Variants in PARD3B observed in about 807,000 individuals in gnomAD.
The protein encoded by PARD3B is par-3 family cell polarity regulator beta, also known as partitioning defective 3 homolog B.
PARD3B carries 103 observed loss-of-function variants against 130.2 expected under a neutral mutation model. The observed-to-expected ratio is 0.79, with a 90% CI of 0.67 to 0.93. The LOEUF is 0.93. Among genes scored for constraint, PARD3B ranks in the 40% least tolerant of loss-of-function variants. PARD3B has a pLI of 0.00. For missense variants in PARD3B, 1,609 were observed against 1,499.2 expected (o/e 1.07, Z -1.21); for synonymous variants, 583 against 553.2 (o/e 1.05, Z -0.76).
intron 22 of PARD3B, among the ~76,000 whole-genome samples, chr2:205,565,966 G>A (rs1479472328): frequency 6.6e-6 from 1 of 150,864 alleles, no homozygotes; most frequent in East Asian, 1.9e-4. Context: ...ATGTGAAATT[G>A]CACCAAATCA....
intron 2 of PARD3B, among the ~76,000 whole-genome samples, chr2:204,817,081 TTTATATA>T (rs1284870343): frequency 6.6e-6 from 1 of 152,154 alleles, no homozygotes; most frequent in Non-Finnish European, 1.5e-5. Flanking sequence ...TTGGGCTCTT[TTTATATA>T]TTACATATCT....
chr2:205,064,477 G>T (rs75128251), intron 4 of PARD3B, among the ~76,000 whole-genome samples: 1 of 152,270 alleles, frequency 6.6e-6, no homozygotes, highest in African/African-American at 2.4e-5. Context: ...GGGAAAAAAA[G>T]TCTGATTGGC....
intron 1 of PARD3B, among the ~76,000 whole-genome samples, chr2:204,604,223 T>C (rs2033622359): frequency 6.6e-6 from 1 of 152,156 alleles, no homozygotes; most frequent in African/African-American, 2.4e-5. Flanking sequence ...CTGAGTGCTT[T>C]TCCTCACCAC....
intron 18 of PARD3B, among the ~76,000 whole-genome samples, chr2:205,400,601 C>G (rs138768713): frequency 6.6e-6 from 1 of 151,756 alleles, no homozygotes; most frequent in Non-Finnish European, 1.5e-5. Flanking sequence ...AAGATCACAC[C>G]ACTGCACCTC....
chr2:205,334,603 T>C (rs1282656732), intron 18 of PARD3B, among the ~76,000 whole-genome samples: 1 of 152,254 alleles, frequency 6.6e-6, no homozygotes, highest in African/African-American at 2.4e-5. Flanking sequence ...GACAGTTTCT[T>C]AGTTAGAATA....
chr2:205,462,273 A>T (rs938730537), intron 20 of PARD3B, among the ~76,000 whole-genome samples: 3 of 152,222 alleles, frequency 2.0e-5, no homozygotes, highest in Non-Finnish European at 2.9e-5. Context: ...CAAATTGCTA[A>T]CAGGATTACA....
chr2:204,702,254 GT>G (rs137933986), intron 2 of PARD3B, among the ~76,000 whole-genome samples: 1,576 of 152,178 alleles, frequency 0.01, 27 homozygotes, highest in African/African-American at 0.035. Flanking sequence ...TTTTGGCTAT[GT>G]ACCCAATAGT....
intron 18 of PARD3B, among the ~76,000 whole-genome samples, chr2:205,336,750 C>A (rs1207014618): frequency 2.0e-5 from 3 of 152,094 alleles, no homozygotes; most frequent in African/African-American, 7.2e-5. Flanking sequence ...TGCACAGTAA[C>A]CATTAAGAAG....
chr2:205,327,241 C>G (rs1371586005), intron 18 of PARD3B, among the ~76,000 whole-genome samples: 1 of 152,136 alleles, frequency 6.6e-6, no homozygotes, highest in Non-Finnish European at 1.5e-5. Flanking sequence ...ATATGTCTAC[C>G]TGTATGCTCC....
chr2:205,021,545 G>A lies in PARD3B; in HGVS notation c.395-26036G>A, dbSNP rs1696595187. ...TATATTGCAGTTTCACAAGCAGGAG[G>A]TAATAGCATTTATTGAGCAACTATA... is the stretch of plus-strand genomic sequence containing the variant. On this transcript the variant is annotated intron_variant, in intron 3 of 22. Transcript: ENST00000406610. This position sits in a 1 kb window ranked among gnomAD's most constrained non-coding sequence, Gnocchi z 4.5. 1.3e-5 allele frequency among the ~76,000 whole-genome samples: 2 copies of A among 151,210 alleles called. No homozygotes were observed. The highest frequency in any genetic ancestry group is 2.9e-5 in the Non-Finnish European group (2 of 67,828).
intron 2 of PARD3B, among the ~76,000 whole-genome samples, chr2:204,718,113 A>G (rs2038820834): frequency 6.6e-6 from 1 of 152,054 alleles, no homozygotes; most frequent in African/African-American, 2.4e-5. Flanking sequence ...GGAAGGGAAA[A>G]ATTGTCAGGA....
intron 18 of PARD3B, among the ~76,000 whole-genome samples, chr2:205,338,165 A>C (rs2043386754): frequency 3.3e-5 from 5 of 151,154 alleles, no homozygotes; most frequent in South Asian, 2.1e-4. Flanking sequence ...AAAAAAAAAA[A>C]AAAAAAAAAA....
chr2:205,373,483 A>G (rs185055433), intron 18 of PARD3B, among the ~76,000 whole-genome samples: 15 of 152,256 alleles, frequency 9.9e-5, no homozygotes, highest in Non-Finnish European at 1.9e-4. Context: ...AAGCAAAGGC[A>G]GAACTATTAG....
At chr2:204,944,613 T>G (rs1689163481) in intron 2 of PARD3B, among the ~76,000 whole-genome samples, 1 of 152,266 alleles carries the variant, frequency 6.6e-6, no homozygotes, top group South Asian at 2.1e-4. Context: ...TTTTATAATT[T>G]TATATTTTAA....
At chr2:204,619,632 C>G (rs1253392580) in intron 1 of PARD3B, among the ~76,000 whole-genome samples, 1 of 152,030 alleles carries the variant, frequency 6.6e-6, no homozygotes, top group Non-Finnish European at 1.5e-5. Flanking sequence ...ACTGCAAGCT[C>G]CCATCAGAAT....
At chr2:205,189,146 T>TTC (rs891350255) in intron 14 of PARD3B, among the ~76,000 whole-genome samples, 1 of 151,210 alleles carries the variant, frequency 6.6e-6, no homozygotes, top group Admixed American at 6.6e-5. Context: ...CATATTCTCT[T>TTC]TCTCTCTCTC....
At chr2:204,783,959 C>T (rs1012305498) in intron 2 of PARD3B, among the ~76,000 whole-genome samples, 6 of 151,680 alleles carry the variant, frequency 4.0e-5, no homozygotes, top group East Asian at 1.9e-4. Context: ...TCATTCTTTA[C>T]CTATTGTAAC....
chr2:205,553,292 A>T (rs2052730152), intron 21 of PARD3B, 32 bp from the exon 22 acceptor site: 4 of 1,585,524 alleles, frequency 2.5e-6, no homozygotes, highest in Non-Finnish European at 3.5e-6. Flanking sequence ...TGTATAATGG[A>T]TCTTCATCTC....
intron 18 of PARD3B, among the ~76,000 whole-genome samples, chr2:205,376,547 G>C (rs35550118): frequency 0.56 from 85,557 of 152,004 alleles, 27,674 homozygotes; most frequent in South Asian, 0.76. Flanking sequence ...GCTTTAGTCT[G>C]CTGGTTTCTG....
Sources: allele counts gnomAD v4.1 joint callset (sites outside exome capture counted in the v4.1 genomes callset), GRCh38; gene constraint gnomAD v4.1.1; non-coding constraint Gnocchi (gnomAD v3.1); transcripts MANE v1.5; gene names NCBI Gene and HGNC (gene_info 2026-07-23, HGNC 2026-07-21).